The following ESRRG variants were observed in gnomAD, a reference collection of about 807,000 sequenced individuals.
ESRRG encodes estrogen-related receptor gamma.
In ESRRG, 13 loss-of-function variants were observed where a neutral mutation model predicts 44.0. That is an observed-to-expected ratio of 0.30 (90% CI 0.19 to 0.47). ESRRG has a LOEUF of 0.47. ESRRG is among the 20% of genes least tolerant of loss of function. The pLI is 1.00. For missense variants in ESRRG, 395 were observed against 580.6 expected (o/e 0.68, Z 3.29); for synonymous variants, 215 against 214.6 (o/e 1.00, Z -0.02).
chr1:217,119,443 A>T (rs572198416), intron 1 of ESRRG, among the ~76,000 whole-genome samples: 1 of 152,208 alleles, frequency 6.6e-6, no homozygotes, highest in Admixed American at 6.5e-5. Context: ...ATCCCTCTCT[A>T]CATCTGCCCT....
chr1:216,645,637 C>G (rs1020098251), intron 3 of ESRRG, among the ~76,000 whole-genome samples: 3 of 151,724 alleles, frequency 2.0e-5, no homozygotes, highest in Non-Finnish European at 4.4e-5. Context: ...TTTGGGAGGC[C>G]GAAACTGGAG....
rs780569815 is a variant in ESRRG, at chr1:216,507,098, C to T, written c.1218G>A (p.Gln406=). ...CAGCTCGACGAGGGTCTTCCATGTG[C>T]TGGCCAGCTTCATAATCCTGCAGCG... ...HEALQDYEAG[Q]HMEDPRRAGK... is the part of the protein sequence containing the mutation. The change falls in exon 7 of 7, where the codon CAG becomes CAA. Residue 406 remains glutamine, a synonymous_variant. Transcript: ENST00000408911. 20 of 1,613,938 alleles carry T rather than the reference C, an allele frequency of 1.2e-5. No individual in the cohort carries two copies. The highest frequency in any genetic ancestry group is 1.1e-4 in the African/African-American group (8 of 74,920).
intron 5 of ESRRG, among the ~76,000 whole-genome samples, chr1:216,562,316 T>C (rs2058905291): frequency 6.6e-6 from 1 of 152,166 alleles, no homozygotes; most frequent in Non-Finnish European, 1.5e-5. Flanking sequence ...TGCAATAAAC[T>C]GGAGACTAAA....
chr1:216,857,974 C>A (rs1485529638), intron 2 of ESRRG, among the ~76,000 whole-genome samples: 1 of 152,052 alleles, frequency 6.6e-6, no homozygotes, highest in African/African-American at 2.4e-5. Context: ...CCCCTGAAAC[C>A]TGCGAATCTT....
At chr1:216,634,927 A>T (rs965076874) in intron 3 of ESRRG, among the ~76,000 whole-genome samples, 10 of 152,200 alleles carry the variant, frequency 6.6e-5, no homozygotes, top group African/African-American at 2.4e-4. Flanking sequence ...AGTCATCTGC[A>T]CTATGGAAGC....
chr1:216,704,464 C>T (rs1279494141), intron 1 of ESRRG, among the ~76,000 whole-genome samples: 1 of 152,018 alleles, frequency 6.6e-6, no homozygotes, highest in Non-Finnish European at 1.5e-5. Flanking sequence ...TTGCAGTGAG[C>T]CAAGATCATG....
chr1:216,648,711 A>G (rs2068204896), intron 3 of ESRRG, among the ~76,000 whole-genome samples: 1 of 152,204 alleles, frequency 6.6e-6, no homozygotes, highest in Admixed American at 6.5e-5. Context: ...AAGTGTCTCC[A>G]TTAATTCAGT....
chr1:216,758,926 C>CCCCTAAGAA (rs1166915038), intron 2 of ESRRG, among the ~76,000 whole-genome samples: 1 of 151,746 alleles, frequency 6.6e-6, no homozygotes, highest in Non-Finnish European at 1.5e-5. Context: ...AGCCAAATAA[C>CCCCTAAGAA]CCCTAAGAAG....
At chr1:216,819,533 G>A (rs956951640) in intron 2 of ESRRG, among the ~76,000 whole-genome samples, 6 of 152,042 alleles carry the variant, frequency 3.9e-5, no homozygotes, top group South Asian at 2.1e-4. Context: ...TGTCTTTTAC[G>A]GGATTAAGTC....
intron 2 of ESRRG, among the ~76,000 whole-genome samples, chr1:216,893,023 A>G (rs1329210541): frequency 6.6e-6 from 1 of 152,154 alleles, no homozygotes; most frequent in Non-Finnish European, 1.5e-5. Flanking sequence ...ATTTAAGACT[A>G]CTCACAATCT....
intron 5 of ESRRG, among the ~76,000 whole-genome samples, chr1:216,542,072 C>G (rs867266233): frequency 2.9e-5 from 4 of 139,842 alleles, no homozygotes; most frequent in Non-Finnish European, 4.7e-5. Flanking sequence ...GTGTCTATGA[C>G]AGAGAGAGAG....
intron 3 of ESRRG, among the ~76,000 whole-genome samples, chr1:216,645,171 C>T (rs1485087208): frequency 4.6e-5 from 7 of 152,242 alleles, no homozygotes; most frequent in South Asian, 2.1e-4. Flanking sequence ...TCAACTCTCA[C>T]GTCTGTTAAC....
At chr1:216,778,072 T>G (rs61685420) in intron 2 of ESRRG, among the ~76,000 whole-genome samples, 2,625 of 152,142 alleles carry the variant, frequency 0.017, 83 homozygotes, top group African/African-American at 0.059. Flanking sequence ...CAATAGAAAT[T>G]ATAAAACAGA....
intron 2 of ESRRG, among the ~76,000 whole-genome samples, chr1:216,762,711 AAAAT>A (rs768532140): frequency 4.6e-5 from 7 of 151,652 alleles, no homozygotes; most frequent in East Asian, 1.9e-4. Flanking sequence ...ATAATAATAA[AAAAT>A]AAATAAATAA....
At chr1:216,686,904 G>T (rs550591871) in intron 1 of ESRRG, among the ~76,000 whole-genome samples, 54 of 152,228 alleles carry the variant, frequency 3.5e-4, no homozygotes, top group Non-Finnish European at 6.3e-4. Context: ...ACACTGGCTT[G>T]TAAGTCTGGT....
intron 5 of ESRRG, among the ~76,000 whole-genome samples, chr1:216,560,976 C>T (rs546291090): frequency 1.3e-5 from 2 of 152,304 alleles, no homozygotes; most frequent in East Asian, 3.9e-4. Context: ...GCACCATCAT[C>T]TGTTCTTGTG....
intron 2 of ESRRG, among the ~76,000 whole-genome samples, chr1:216,766,747 A>T (rs1934151): frequency 0.12 from 18,444 of 152,080 alleles, 1,281 homozygotes; most frequent in South Asian, 0.21. Flanking sequence ...GCCAGCATTT[A>T]TATAAAAAGA....
chr1:216,574,456 A>AT (rs2061348911), intron 3 of ESRRG, among the ~76,000 whole-genome samples: 1 of 152,078 alleles, frequency 6.6e-6, no homozygotes, highest in African/African-American at 2.4e-5. Context: ...CCAAATGCAA[A>AT]TTTTTATAAT....
At chr1:216,678,112 C>A (rs2076421262) in intron 1 of ESRRG, among the ~76,000 whole-genome samples, 1 of 152,186 alleles carries the variant, frequency 6.6e-6, no homozygotes, top group South Asian at 2.1e-4. Context: ...AATATATCCT[C>A]AATCACTTTG....
Sources: allele counts gnomAD v4.1 joint callset (sites outside exome capture counted in the v4.1 genomes callset), GRCh38; gene constraint gnomAD v4.1.1; transcripts MANE v1.5; gene names NCBI Gene and HGNC (gene_info 2026-07-23, HGNC 2026-07-21).